Variants in PCDH15 observed in about 807,000 individuals in gnomAD.
PCDH15 encodes the protein protocadherin related 15, also known as protocadherin-15.
In PCDH15, 129 loss-of-function variants were observed where a neutral mutation model predicts 178.5. The ratio of observed to expected loss-of-function variants is 0.72; its 90% CI spans 0.63 to 0.84. The LOEUF (loss-of-function observed/expected upper bound fraction) is 0.84. Among genes scored for constraint, PCDH15 ranks in the 40% least tolerant of loss-of-function variants. The pLI, the probability that PCDH15 is intolerant of heterozygous loss-of-function variation, is 0.00. For missense variants in PCDH15, 2,230 were observed against 2,099.9 expected (o/e 1.06, Z -1.21); for synonymous variants, 800 against 732.0 (o/e 1.09, Z -1.50).
intron 2 of PCDH15, among the ~76,000 whole-genome samples, chr10:54,556,620 A>G (rs1006594498): frequency 2.0e-5 from 3 of 149,210 alleles, no homozygotes; most frequent in Admixed American, 6.7e-5. Flanking sequence ...TACTTATTTT[A>G]AGAGACTTTT....
intron 3 of PCDH15, among the ~76,000 whole-genome samples, chr10:54,518,254 AAAAT>A (rs1166779102): frequency 2.0e-5 from 3 of 152,208 alleles, no homozygotes; most frequent in Non-Finnish European, 4.4e-5. Flanking sequence ...AACCCTTCAA[AAAAT>A]TGATGAATCC....
intron 2 of PCDH15, among the ~76,000 whole-genome samples, chr10:55,159,402 T>C (rs1838997721): frequency 2.0e-5 from 3 of 146,852 alleles, no homozygotes; most frequent in Admixed American, 7.0e-5. Context: ...CACATACACA[T>C]TATATATATT....
At chr10:54,802,278 C>T (rs1206264974), upstream of PCDH15, among the ~76,000 whole-genome samples, 1 of 152,144 alleles carries the variant, frequency 6.6e-6, no homozygotes, top group African/African-American at 2.4e-5. Context: ...AATAACATCT[C>T]ATTTAAAACA....
chr10:54,695,518 T>A (rs1397773837), intron 1 of PCDH15, among the ~76,000 whole-genome samples: 1 of 152,180 alleles, frequency 6.6e-6, no homozygotes, highest in African/African-American at 2.4e-5. Context: ...AAGATCATTG[T>A]TGAAGGTGGC....
intron 2 of PCDH15, among the ~76,000 whole-genome samples, chr10:55,448,907 T>A (rs551429666): frequency 6.6e-6 from 1 of 152,082 alleles, no homozygotes; most frequent in African/African-American, 2.4e-5. Flanking sequence ...TAAGAAAGAA[T>A]TAATTGTTAA....
intron 1 of PCDH15, among the ~76,000 whole-genome samples, chr10:54,704,000 G>A (rs2095340722): frequency 6.6e-6 from 1 of 152,004 alleles, no homozygotes; most frequent in East Asian, 1.9e-4. Flanking sequence ...AACAAGCAAT[G>A]GTGAAACAAT....
intron 25 of PCDH15, among the ~76,000 whole-genome samples, chr10:53,909,281 C>A (rs771654316): frequency 3.3e-5 from 5 of 152,104 alleles, no homozygotes; most frequent in Non-Finnish European, 7.4e-5. Context: ...TGAGGCCTCC[C>A]CAGCCATGTG....
chr10:54,296,035 C>G, intron 8 of PCDH15, among the ~76,000 whole-genome samples: 1 of 145,654 alleles, frequency 6.9e-6, no homozygotes, highest in Non-Finnish European at 1.5e-5. Flanking sequence ...GTCCCAGCTA[C>G]TTGGGAGGCT....
At chr10:54,449,536 G>T (rs1035715929) in intron 3 of PCDH15, among the ~76,000 whole-genome samples, 1 of 151,726 alleles carries the variant, frequency 6.6e-6, no homozygotes, top group Admixed American at 6.6e-5. Context: ...AAAGGAGAGT[G>T]TTCTACCTGA....
chr10:55,055,374 T>G (rs539811261), intron 2 of PCDH15, among the ~76,000 whole-genome samples: 1 of 152,314 alleles, frequency 6.6e-6, no homozygotes, highest in Non-Finnish European at 1.5e-5. Flanking sequence ...TGAATGATAT[T>G]AGTCACTAGA....
intron 2 of PCDH15, among the ~76,000 whole-genome samples, chr10:55,071,645 A>G (rs1009155385): frequency 2.6e-5 from 4 of 152,086 alleles, no homozygotes; most frequent in African/African-American, 9.7e-5. Flanking sequence ...CACAATAATA[A>G]TGGGAGACTT....
At chr10:53,812,936 C>T (rs969335392) in intron 35 of PCDH15, among the ~76,000 whole-genome samples, 3 of 151,968 alleles carry the variant, frequency 2.0e-5, no homozygotes, top group African/African-American at 4.8e-5. Flanking sequence ...ATGTCATTTG[C>T]GAAGTGTGGA....
intron 2 of PCDH15, among the ~76,000 whole-genome samples, chr10:54,564,255 T>C (rs2088667955): frequency 6.6e-6 from 1 of 152,292 alleles, no homozygotes. Flanking sequence ...TCAGAATGAA[T>C]TACATATCTG....
At chr10:53,854,744 G>A (rs933997638) in intron 28 of PCDH15, among the ~76,000 whole-genome samples, 4 of 152,054 alleles carry the variant, frequency 2.6e-5, no homozygotes, top group Non-Finnish European at 5.9e-5. Flanking sequence ...TCACCGAATA[G>A]TCATACTTTC....
intron 1 of PCDH15, among the ~76,000 whole-genome samples, chr10:54,773,061 G>A (rs1344624553): frequency 1.3e-5 from 2 of 151,804 alleles, no homozygotes; most frequent in Admixed American, 1.3e-4. Context: ...GAGAACACAC[G>A]GACACATGGG....
At chr10:54,657,233 C>T (rs1425023772) in intron 2 of PCDH15, among the ~76,000 whole-genome samples, 1 of 152,170 alleles carries the variant, frequency 6.6e-6, no homozygotes, top group Non-Finnish European at 1.5e-5. Context: ...CAAAATGCAA[C>T]AGCGGCATGA....
intron 10 of PCDH15, among the ~76,000 whole-genome samples, chr10:54,205,560 T>G (rs1458313376): frequency 6.8e-6 from 1 of 147,856 alleles, no homozygotes; most frequent in Non-Finnish European, 1.5e-5. Context: ...CTGTGCTCCA[T>G]GAATCAATGA....
intron 3 of PCDH15, among the ~76,000 whole-genome samples, chr10:54,867,419 C>T (rs1369088497): frequency 1.3e-5 from 2 of 152,192 alleles, no homozygotes; most frequent in East Asian, 3.9e-4. Context: ...AGGCATTTCA[C>T]ATTTTTCTGT....
intron 3 of PCDH15, among the ~76,000 whole-genome samples, chr10:54,440,787 A>G (rs1227597903): frequency 2.0e-5 from 3 of 151,938 alleles, no homozygotes; most frequent in South Asian, 2.1e-4. Flanking sequence ...GTCTAATATT[A>G]CTCTATGTCG....
Sources: gnomAD v4.1 joint callset for allele counts (sites outside exome capture counted in the v4.1 genomes callset) on GRCh38, gnomAD v4.1.1 for gene constraint, MANE v1.5 for transcripts, NCBI Gene and HGNC (gene_info 2026-07-23, HGNC 2026-07-21) for gene names.